MERTK: variants seen among roughly 807,000 people sequenced by gnomAD.
MERTK encodes tyrosine-protein kinase Mer.
Under a neutral mutation model 99.3 loss-of-function variants are expected in MERTK, and 69 were observed. That is an observed-to-expected ratio of 0.70 (90% CI 0.57 to 0.85). MERTK has a LOEUF of 0.85. Among genes scored for constraint, MERTK ranks in the 40% least tolerant of loss-of-function variants. The pLI is 0.00. For synonymous variants in MERTK, 426 were observed against 467.6 expected, an observed-to-expected ratio of 0.91 and a Z score of 1.15; for missense variants, 1,125 against 1,249.4, an observed-to-expected ratio of 0.90 and a Z score of 1.50.
chr2:111,937,424 C>T (rs983297757), intron 2 of MERTK, among the ~76,000 whole-genome samples: 3 of 152,124 alleles, frequency 2.0e-5, no homozygotes, highest in Admixed American at 6.5e-5. Context: ...GCCTGGGCAA[C>T]GGAACAACAC....
At chr2:111,920,425 G>A (rs1573571003) in intron 1 of MERTK, among the ~76,000 whole-genome samples, 2 of 152,290 alleles carry the variant, frequency 1.3e-5, no homozygotes, top group East Asian at 3.9e-4. Context: ...TACACTTAGG[G>A]CAAATGGGTG....
chr2:111,943,417 T>C (rs778841861), intron 2 of MERTK, among the ~76,000 whole-genome samples: 1 of 152,156 alleles, frequency 6.6e-6, no homozygotes, highest in Non-Finnish European at 1.5e-5. Flanking sequence ...CTCATGGCTG[T>C]AATCCTAGCA....
At chr2:111,899,636 G>T (rs1684006061) in intron 1 of MERTK, among the ~76,000 whole-genome samples, 1 of 152,078 alleles carries the variant, frequency 6.6e-6, no homozygotes, top group Non-Finnish European at 1.5e-5. Flanking sequence ...TCCTGCCTCA[G>T]CCTCCCGAGT....
At chr2:111,924,049 C>T (rs1684512083) in intron 1 of MERTK, among the ~76,000 whole-genome samples, 1 of 152,054 alleles carries the variant, frequency 6.6e-6, no homozygotes, top group Non-Finnish European at 1.5e-5. Flanking sequence ...CAGCCAACAA[C>T]GATGTGAATG....
intron 16 of MERTK, among the ~76,000 whole-genome samples, chr2:112,020,861 G>T (rs1290918841): frequency 6.6e-6 from 1 of 151,942 alleles, no homozygotes; most frequent in Non-Finnish European, 1.5e-5. Context: ...AGGTGCCCTT[G>T]CTAGTCCACA....
chr2:111,947,277 C>T (rs1440380744), intron 3 of MERTK, 117 bp from the exon 4 acceptor site: 19 of 587,212 alleles, frequency 3.2e-5, no homozygotes, highest in Middle Eastern at 4.6e-4. Context: ...CATCCCCACC[C>T]GCCCCCCACA....
At chr2:111,981,485 A>G (rs10171174) in intron 7 of MERTK, among the ~76,000 whole-genome samples, 94,009 of 151,840 alleles carry the variant, frequency 0.62, 29,468 homozygotes, top group Middle Eastern at 0.7. Context: ...CATGATCTTG[A>G]CTCACTGCAA....
At chr2:111,904,611 C>T (rs917799999) in intron 1 of MERTK, among the ~76,000 whole-genome samples, 3 of 151,962 alleles carry the variant, frequency 2.0e-5, no homozygotes, top group Non-Finnish European at 4.4e-5. Flanking sequence ...CCTGACCTCG[C>T]GATCCACCCA....
At chr2:112,028,139 C>G (rs934035586) in intron 18 of MERTK, 3 of 611,578 alleles carry the variant, frequency 4.9e-6, no homozygotes, top group African/African-American at 3.7e-5. Context: ...TGTGCTCTTC[C>G]TAGAAACAGA....
chr2:112,003,117 A>G lies in MERTK; in HGVS notation c.1716A>G (p.Glu572=), dbSNP rs1260238587. Residue 572 remains glutamate (E), a synonymous_variant, in exon 12 of 19, where the codon GAA becomes GAG. Transcript: ENST00000295408. ...TACATAGCTTGGGAGTCAGTGAGGA[A>G]CTACAAAATAAACTAGAAGATGTTG... ...LTLHSLGVSE[E]LQNKLEDVVI... 22 of 1,593,122 alleles carry G rather than the reference A, an allele frequency of 1.4e-5. No homozygotes were observed. The highest frequency in any genetic ancestry group is 1.8e-5 in the Non-Finnish European group (21 of 1,161,110).
At chr2:111,939,008 A>G (rs1446924075) in intron 2 of MERTK, among the ~76,000 whole-genome samples, 1 of 152,210 alleles carries the variant, frequency 6.6e-6, no homozygotes, top group African/African-American at 2.4e-5. Context: ...CAGCTGAATC[A>G]TGTAATATGC....
chr2:112,023,422 T>A (rs1161010025), intron 18 of MERTK, among the ~76,000 whole-genome samples: 1 of 151,548 alleles, frequency 6.6e-6, no homozygotes, highest in Admixed American at 6.6e-5. Context: ...TCAAAAAAAA[T>A]AAAAAATAAT....
intron 2 of MERTK, among the ~76,000 whole-genome samples, chr2:111,937,036 T>C (rs1289997380): frequency 6.6e-6 from 1 of 152,034 alleles, no homozygotes; most frequent in African/African-American, 2.4e-5. Flanking sequence ...GAGGGGAAAG[T>C]ATTTGTTGTT....
At chr2:111,965,049 A>G in intron 4 of MERTK, 142 bp from the exon 5 acceptor site, 1 of 785,326 alleles carries the variant, frequency 1.3e-6, no homozygotes, top group Non-Finnish European at 2.1e-6. Context: ...CTCCATAGCT[A>G]GCACACCTTT....
Position 111,944,995 on chromosome 2 carries a change from A to G in MERTK, c.518A>G (p.Tyr173Cys), listed in dbSNP as rs771533393. The change falls in exon 3 of 19, where the codon TAT (tyrosine) becomes TGT (cysteine). Residue 173 changes from tyrosine to cysteine, a missense_variant. Coordinates refer to ENST00000295408, the MANE Select transcript of MERTK (RefSeq NM_006343.3). ...TSVQRSDNGS[Y>C]ICKMKINNEE... ...GTGCAGCGTTCAGACAATGGGTCGT[A>G]TATCTGTAAGATGAAAATAAACAAT... 5 of 1,613,772 alleles carry G rather than the reference A, an allele frequency of 3.1e-6. No individual in the cohort carries two copies. The African/African-American group carries it at 4.0e-5, about 13-fold the overall frequency.
At chr2:111,925,292 A>ATATATATATATATATTTTT (rs372747015) in intron 1 of MERTK, among the ~76,000 whole-genome samples, 1 of 24,486 alleles carries the variant, frequency 4.1e-5, no homozygotes, top group South Asian at 2.2e-3. Flanking sequence ...ATATATATAT[A>ATATATATATATATATTTTT]TTTTTTTTTT....
intron 2 of MERTK, among the ~76,000 whole-genome samples, chr2:111,934,855 T>TA (rs1160009272): frequency 6.6e-6 from 1 of 152,192 alleles, no homozygotes; most frequent in Non-Finnish European, 1.5e-5. Flanking sequence ...TTTCAGGTCT[T>TA]ACATTTAAGG....
intron 5 of MERTK, among the ~76,000 whole-genome samples, chr2:111,967,031 G>A (rs1205478996): frequency 6.6e-6 from 1 of 152,218 alleles, no homozygotes; most frequent in East Asian, 1.9e-4. Context: ...ACAACTGTGT[G>A]TAGTTGTAGA....
At chr2:111,928,622 A>G (rs563218717) in intron 1 of MERTK, among the ~76,000 whole-genome samples, 8 of 152,190 alleles carry the variant, frequency 5.3e-5, no homozygotes, top group African/African-American at 1.9e-4. Context: ...AGTAGCTGGG[A>G]TTACGGGAAT....
Sources: allele counts gnomAD v4.1 joint callset (sites outside exome capture counted in the v4.1 genomes callset), GRCh38; gene constraint gnomAD v4.1.1; transcripts MANE v1.5; gene names NCBI Gene and HGNC (gene_info 2026-07-23, HGNC 2026-07-21).